Variants in SLC38A8 observed in about 807,000 individuals in gnomAD.
SLC38A8 encodes amino acid transporter SLC38A8.
In SLC38A8, 65 loss-of-function variants were observed where a neutral mutation model predicts 46.0. The ratio of observed to expected loss-of-function variants is 1.41; its 90% CI spans 1.16 to 1.74. SLC38A8 has a LOEUF of 1.74. Among genes scored for constraint, SLC38A8 ranks in the 40% most tolerant of loss-of-function variants. SLC38A8 has a pLI of 0.00. For synonymous variants in SLC38A8, 447 were observed against 243.7 expected (o/e 1.83, Z -7.77); for missense variants, 998 against 567.9 (o/e 1.76, Z -7.70).
intron 1 of SLC38A8, 132 bp downstream of exon 1, chr16:84,042,418 TC>T (rs1040366210): frequency 5.9e-6 from 2 of 341,146 alleles, no homozygotes; most frequent in South Asian, 8.0e-5. Flanking sequence ...CCTCACCCCT[TC>T]CCCCTCCCTC....
Position 84,029,496 on chromosome 16 carries a change from G to C in SLC38A8, c.688C>G (p.Gln230Glu). 6.2e-7 allele frequency: 1 copy of C among 1,614,034 alleles called. No individual in the cohort carries two copies. The highest frequency in any genetic ancestry group is 8.5e-7 in the Non-Finnish European group (1 of 1,179,976). Residue 230 changes from glutamine (Q) to glutamate (E), a missense_variant and splice_region_variant, in exon 6 of 11, where the codon CAG becomes GAG. Transcript: ENST00000299709. The stretch of plus-strand genomic sequence containing the variant: ...TGCAACACAGATGCTAAAATTACCT[G>C]AAACCCGAAGCAGATGGTGGGGAAG... ...SVFPTICFGF[Q>E]CHEAAVSIYC... is the part of the protein sequence containing the mutation.
Position 84,015,678 on chromosome 16 carries a change from G to A in SLC38A8, c.1162+841C>T, listed in dbSNP as rs867140798. Among the ~76,000 whole-genome samples, 24 of 152,220 alleles carry A rather than the reference G, an allele frequency of 1.6e-4. 1 individual carries two copies. In the Middle Eastern group the frequency reaches 0.01, roughly 65 times the overall value. ...AGCTGTATTAGTCTGCTCTCATGCT[G>A]CTAATAAAGACCTACCAGGGACTAG... On this transcript the variant is annotated intron_variant, in intron 9 of 10. Transcript: ENST00000299709.
rs142352848 is a variant in SLC38A8, at chr16:84,013,032, T to C, written c.1183A>G (p.Met395Val). The change falls in exon 10 of 11, where the codon ATG (methionine) becomes GTG (valine). Residue 395 changes from methionine to valine, a missense_variant. Coordinates refer to ENST00000299709, the MANE Select transcript of SLC38A8 (RefSeq NM_001080442.3). ...CTTGGTCCTATAGGCTCGACACCCATTGCACAGATGAGGCACAAACCTGCA... is the reference window on the plus strand; with the variant it reads ...CTTGGTCCTATAGGCTCGACACCCACTGCACAGATGAGGCACAAACCTGCA... ...IFPGLCLICAMGVEPIGPRVK... is the reference protein window; with the variant it reads ...IFPGLCLICAVGVEPIGPRVK... 23 of 1,614,008 alleles carry C rather than the reference T, an allele frequency of 1.4e-5. No individual in the cohort carries two copies. The Admixed American group carries it at 3.5e-4, about 25-fold the overall frequency.
intron 10 of SLC38A8, among the ~76,000 whole-genome samples, chr16:84,012,134 G>T (rs995476266): frequency 6.6e-6 from 1 of 152,170 alleles, no homozygotes; most frequent in Non-Finnish European, 1.5e-5. Context: ...CCAATTTATG[G>T]TAATTTGTTA....
intron 4 of SLC38A8, among the ~76,000 whole-genome samples, chr16:84,032,484 T>A (rs901778497): frequency 6.6e-6 from 1 of 152,054 alleles, no homozygotes; most frequent in Non-Finnish European, 1.5e-5. Flanking sequence ...CCAGCCCAAA[T>A]GTGTAGAATT....
chr16:84,033,101 T>C (rs936805820), intron 4 of SLC38A8, among the ~76,000 whole-genome samples: 24 of 152,170 alleles, frequency 1.6e-4, no homozygotes, highest in African/African-American at 5.5e-4. Flanking sequence ...AATCCAACAA[T>C]GAAATAAACT....
rs778963615 is a variant in SLC38A8 at position 84,033,346 on chromosome 16, G to A, written c.512C>T (p.Ala171Val). 5 of 1,614,062 alleles carry A rather than the reference G, an allele frequency of 3.1e-6. No homozygotes were observed. In the East Asian group the frequency reaches 8.9e-5, roughly 29 times the overall value. ...CCCTTACCTTGTGTATTTCTGGAAGGCGATCTCCCGCGGGGCAGACAGGGG... is the reference window on the plus strand; with the variant it reads ...CCCTTACCTTGTGTATTTCTGGAAGACGATCTCCCGCGGGGCAGACAGGGG... ...ILPLSAPREI[A>V]FQKYTSILGT... The change falls in exon 4 of 11, where the codon GCC (alanine) becomes GTC (valine). Residue 171 changes from alanine (A) to valine (V), a missense_variant. Ala to Val is a moderately conservative substitution (Grantham distance 64). Transcript: ENST00000299709.
intron 3 of SLC38A8, among the ~76,000 whole-genome samples, chr16:84,033,793 G>T (rs1003999041): frequency 6.6e-6 from 1 of 152,104 alleles, no homozygotes; most frequent in Admixed American, 6.5e-5. Flanking sequence ...TTTTGGTTTC[G>T]TTCGGGAACT....
At position 84,034,903 on chromosome 16, in the gene SLC38A8, G is replaced by A. The variant is rs147173079; in HGVS notation, c.389-1434C>T. On this transcript the variant is annotated intron_variant, in intron 3 of 10. Transcript: ENST00000299709. ...GTACCAGCTCCTTCCTAAACCCAGC[G>A]TTCCCGGATGCTTGAGATCTTTGGC... Among the ~76,000 whole-genome samples the A allele has an allele frequency of 1.4e-4, 21 of 152,166 alleles. 1 individual carries two copies. In the East Asian group the frequency reaches 1.7e-3, roughly 13 times the overall value.
At chr16:84,024,843 C>A (rs1414610533) in intron 6 of SLC38A8, among the ~76,000 whole-genome samples, 1 of 151,998 alleles carries the variant, frequency 6.6e-6, no homozygotes, top group African/African-American at 2.4e-5. Flanking sequence ...GCACGCCCAG[C>A]TAATTTTTTA....
intron 3 of SLC38A8, among the ~76,000 whole-genome samples, chr16:84,034,092 A>G (rs2085276067): frequency 6.6e-6 from 1 of 152,180 alleles, no homozygotes; most frequent in Non-Finnish European, 1.5e-5. Context: ...GCTCCCCACA[A>G]CACCTACTGC....
At chr16:84,016,845 C>T in intron 8 of SLC38A8, 118 bp from the exon 9 acceptor site, 1 of 1,200,174 alleles carries the variant, frequency 8.3e-7, no homozygotes. Flanking sequence ...CTGTTCCACA[C>T]TCAGGTGTTT....
At chr16:84,027,392 CACT>C (rs1278123011) in intron 6 of SLC38A8, among the ~76,000 whole-genome samples, 4 of 151,214 alleles carry the variant, frequency 2.6e-5, no homozygotes, top group African/African-American at 9.9e-5. Flanking sequence ...AACAAACACA[CACT>C]AGAAGTCCTG....
intron 6 of SLC38A8, among the ~76,000 whole-genome samples, chr16:84,024,496 C>G (rs191239899): frequency 6.6e-6 from 1 of 151,402 alleles, no homozygotes; most frequent in Non-Finnish European, 1.5e-5. Context: ...GAATTTTAAA[C>G]GCAGGAGGGA....
At chr16:84,017,096 A>G (rs768095770) in intron 8 of SLC38A8, 44 bp downstream of exon 8, 2 of 1,609,852 alleles carry the variant, frequency 1.2e-6, no homozygotes, top group East Asian at 2.2e-5. Flanking sequence ...AGCACACATC[A>G]GCAGACCATG....
At position 84,036,794 on chromosome 16, in the gene SLC38A8, GCAGGGC is replaced by G; in HGVS notation, c.290_295del (p.Gly97_Pro98del). The stretch of plus-strand genomic sequence containing the variant: ...GCAGGCCTCACACAGCTTCCCAATG[GCAGGGC>G]CACACAGCCCCCTGACCACACCCTG... On this transcript the variant is annotated inframe_deletion, in exon 3 of 11. Transcript: ENST00000299709. The G allele has an allele frequency of 6.2e-7, 1 of 1,614,150 alleles. No individual in the cohort carries two copies. The highest frequency in any genetic ancestry group is 8.5e-7 in the Non-Finnish European group (1 of 1,180,024).
upstream of SLC38A8, among the ~76,000 whole-genome samples, chr16:84,043,028 G>A (rs2085384675): frequency 6.6e-6 from 1 of 152,146 alleles, no homozygotes; most frequent in Non-Finnish European, 1.5e-5. Flanking sequence ...CGGAGGGGGC[G>A]TGAAAAGTGC....
chr16:84,040,504 G>A (rs1263139746), intron 2 of SLC38A8, among the ~76,000 whole-genome samples: 1 of 152,208 alleles, frequency 6.6e-6, no homozygotes, highest in African/African-American at 2.4e-5. Flanking sequence ...TTGTGGAACA[G>A]GGTTCCCACT....
chr16:84,037,922 C>T (rs923971677), intron 2 of SLC38A8, among the ~76,000 whole-genome samples: 2 of 151,134 alleles, frequency 1.3e-5, no homozygotes, highest in African/African-American at 2.4e-5. Context: ...AATTCTCCTG[C>T]CTCAACCTCC....
Sources: allele counts gnomAD v4.1 joint callset (sites outside exome capture counted in the v4.1 genomes callset), GRCh38; gene constraint gnomAD v4.1.1; transcripts MANE v1.5; gene names NCBI Gene and HGNC (gene_info 2026-07-23, HGNC 2026-07-21).